Variants in P4HA1 observed in about 807,000 individuals in gnomAD.
P4HA1 encodes the protein prolyl 4-hydroxylase subunit alpha-1.
In P4HA1, 24 loss-of-function variants were observed where a neutral mutation model predicts 72.8. That is an observed-to-expected ratio of 0.33 (90% CI 0.24 to 0.46). The LOEUF (loss-of-function observed/expected upper bound fraction) is 0.46, where lower values mean the gene tolerates loss of function less well. P4HA1 is among the 20% of genes least tolerant of loss of function. The pLI is 1.00. For missense variants in P4HA1, 446 were observed against 640.6 expected, an observed-to-expected ratio of 0.70 and a Z score of 3.28; for synonymous variants, 201 against 218.8, an observed-to-expected ratio of 0.92 and a Z score of 0.72.
intron 9 of P4HA1, among the ~76,000 whole-genome samples, chr10:73,037,572 T>TATATATATATATATATATA (rs1491362964): frequency 1.3e-4 from 2 of 15,386 alleles, no homozygotes; most frequent in Non-Finnish European, 2.1e-4. Flanking sequence ...TATATATATA[T>TATATATATATATATATATA]TTTTTTTTTT....
chr10:73,029,847 G>A (rs1240911030), intron 10 of P4HA1, among the ~76,000 whole-genome samples: 1 of 151,866 alleles, frequency 6.6e-6, no homozygotes, highest in African/African-American at 2.4e-5. Context: ...CAGAAAAAGA[G>A]AAGTGATGAA....
chr10:73,091,060 C>CAAAAAA (rs202009101), intron 1 of P4HA1, among the ~76,000 whole-genome samples: 6 of 49,346 alleles, frequency 1.2e-4, no homozygotes, highest in Admixed American at 2.4e-4. Flanking sequence ...GAGTCCATCT[C>CAAAAAA]AAAAAAAAAA....
intron 1 of P4HA1, 99 bp from the exon 2 acceptor site, chr10:73,075,014 A>G (rs1285265846): frequency 7.1e-6 from 4 of 567,290 alleles, no homozygotes; most frequent in Non-Finnish European, 1.3e-5. Context: ...AAAGATTCCA[A>G]GGTTGCCCAT....
In P4HA1 at chr10:73,043,919, T is replaced by C. The variant is rs1130886; in HGVS notation, c.1148+1062A>G. 3.0e-4 allele frequency: 477 copies of C among 1,613,048 alleles called. No homozygotes were observed. Among genetic ancestry groups the C allele is most frequent in the Admixed American group, 6.8e-4 (41 of 59,982 alleles). On this transcript the variant is annotated intron_variant, in intron 9 of 14. Coordinates refer to ENST00000394890, the MANE Select transcript of P4HA1 (RefSeq NM_001017962.3). ...ATACTCTGTACTGTGCTGTGGTCAA[T>C]TTTCCAGTCTCAGGGTCATGTACTG...
At chr10:73,017,344 C>A (rs897373707) in intron 10 of P4HA1, among the ~76,000 whole-genome samples, 5 of 151,774 alleles carry the variant, frequency 3.3e-5, no homozygotes, top group African/African-American at 9.7e-5. Context: ...CCCCTCCCCA[C>A]CCCCCACCAG....
At chr10:73,028,604 T>G (rs1840351657) in intron 10 of P4HA1, among the ~76,000 whole-genome samples, 2 of 152,056 alleles carry the variant, frequency 1.3e-5, no homozygotes, top group South Asian at 4.1e-4. Flanking sequence ...GCTAATTTTT[T>G]TGTATTTTTT....
At position 73,021,816 on chromosome 10, in the gene P4HA1, A is replaced by C. The variant is rs191620762; in HGVS notation, c.1249-4917T>G. 6.6e-5 allele frequency among the ~76,000 whole-genome samples: 10 copies of C among 152,360 alleles called. No homozygotes were observed. In the South Asian group the frequency reaches 1.0e-3, roughly 16 times the overall value. ...ACTGCGCTTTTCCCACAGTCTTAGCAACTGGCAGACCAGGAGATTCTTTCC... is the reference window on the plus strand; with the variant it reads ...ACTGCGCTTTTCCCACAGTCTTAGCCACTGGCAGACCAGGAGATTCTTTCC... On this transcript the variant is annotated intron_variant, in intron 10 of 14. Coordinates refer to ENST00000394890, the MANE Select transcript of P4HA1 (RefSeq NM_001017962.3).
intron 1 of P4HA1, among the ~76,000 whole-genome samples, chr10:73,095,929 T>C (rs1842154820): frequency 6.6e-6 from 1 of 151,054 alleles, no homozygotes; most frequent in Non-Finnish European, 1.5e-5. Context: ...GGGCCAGCCA[T>C]GTAATCCAAC....
intron 5 of P4HA1, among the ~76,000 whole-genome samples, chr10:73,059,572 T>C (rs1327657327): frequency 1.4e-5 from 2 of 145,836 alleles, no homozygotes; most frequent in Non-Finnish European, 3.0e-5. Flanking sequence ...TGAAACCCCA[T>C]CTCTACTAAA....
intron 8 of P4HA1, among the ~76,000 whole-genome samples, chr10:73,045,958 T>A (rs556204407): frequency 1.3e-3 from 191 of 151,406 alleles, no homozygotes; most frequent in Middle Eastern, 3.5e-3. Flanking sequence ...GATATCCAGA[T>A]AATTCAAACC....
intron 10 of P4HA1, among the ~76,000 whole-genome samples, chr10:73,022,428 A>G (rs1347362848): frequency 6.6e-6 from 1 of 152,174 alleles, no homozygotes; most frequent in Non-Finnish European, 1.5e-5. Flanking sequence ...AAGGAAAACT[A>G]ACAGAAAGGA....
chr10:73,053,249 A>C (rs1841059589), intron 6 of P4HA1, 102 bp downstream of exon 6: 1 of 1,184,292 alleles, frequency 8.4e-7, no homozygotes, highest in Middle Eastern at 2.2e-4. Flanking sequence ...TGACTTCTAA[A>C]AAGTAAGAAA....
intron 3 of P4HA1, among the ~76,000 whole-genome samples, chr10:73,072,404 A>C (rs1460343688): frequency 1.3e-5 from 2 of 152,176 alleles, no homozygotes; most frequent in South Asian, 4.1e-4. Flanking sequence ...GTTTCTCCCA[A>C]ATGGTTACAG....
intron 9 of P4HA1, among the ~76,000 whole-genome samples, chr10:73,035,986 C>G (rs914686399): frequency 4.6e-5 from 7 of 151,870 alleles, no homozygotes. Context: ...GTCAGGAGTT[C>G]GAGACCAGCC....
chr10:73,069,136 GA>G (rs1564633805), intron 4 of P4HA1, among the ~76,000 whole-genome samples, 153 bp from the exon 5 acceptor site: 1 of 152,136 alleles, frequency 6.6e-6, no homozygotes, highest in Non-Finnish European at 1.5e-5. Flanking sequence ...TAAATACACT[GA>G]ATAAGACTTG....
At chr10:73,042,946 G>A (rs1361975552) in intron 9 of P4HA1, among the ~76,000 whole-genome samples, 1 of 151,964 alleles carries the variant, frequency 6.6e-6, no homozygotes, top group Non-Finnish European at 1.5e-5. Context: ...GTCCTACAGT[G>A]ACACATTTTT....
intron 1 of P4HA1, among the ~76,000 whole-genome samples, chr10:73,087,615 G>A (rs1447559073): frequency 6.6e-6 from 1 of 151,704 alleles, no homozygotes; most frequent in East Asian, 1.9e-4. Flanking sequence ...ACACCTTCCT[G>A]CATAGTGTCT....
At chr10:73,070,554 C>T (rs1439127892) in intron 4 of P4HA1, among the ~76,000 whole-genome samples, 1 of 151,306 alleles carries the variant, frequency 6.6e-6, no homozygotes, top group East Asian at 1.9e-4. Flanking sequence ...GTTGCCCAGG[C>T]TGAAGTGCAG....
At chr10:73,018,940 C>T (rs961821133) in intron 10 of P4HA1, among the ~76,000 whole-genome samples, 1 of 152,120 alleles carries the variant, frequency 6.6e-6, no homozygotes, top group Admixed American at 6.6e-5. Context: ...CAATAGTATG[C>T]AAGACCCTGA....
Sources: allele counts gnomAD v4.1 joint callset (sites outside exome capture counted in the v4.1 genomes callset), GRCh38; gene constraint gnomAD v4.1.1; transcripts MANE v1.5; gene names NCBI Gene and HGNC (gene_info 2026-07-23, HGNC 2026-07-21).